The following CENPI variants were observed in gnomAD, a reference collection of about 807,000 sequenced individuals.
CENPI encodes centromere protein I, also known as FSH primary response 1.
CENPI carries 4 observed loss-of-function variants against 60.4 expected under a neutral mutation model. That is an observed-to-expected ratio of 0.07 (90% CI 0.03 to 0.15). The LOEUF is 0.15. Among genes scored for constraint, CENPI ranks in the 10% least tolerant of loss-of-function variants. The pLI, the probability that CENPI is intolerant of heterozygous loss-of-function variation, is 1.00. For missense variants in CENPI, 444 were observed against 534.5 expected (o/e 0.83, Z 1.67); for synonymous variants, 157 against 189.4 (o/e 0.83, Z 1.40).
chrX:101,168,550 G>A (rs1011043598), downstream of CENPI, among the ~76,000 whole-genome samples: 6 of 111,798 alleles, frequency 5.4e-5, no homozygotes, highest in African/African-American at 1.9e-4. Flanking sequence ...GGGCAACAGA[G>A]CAAGACTCTG....
the CENPI span, among the ~76,000 whole-genome samples, chrX:101,172,577 A>G: frequency 8.9e-6 from 1 of 112,091 alleles, no homozygotes; most frequent in Admixed American, 9.5e-5. Context: ...AATGTCCACA[A>G]TATGTTAATG....
intron 6 of CENPI, among the ~76,000 whole-genome samples, chrX:101,115,025 G>A (rs1339852029): frequency 1.8e-5 from 2 of 108,162 alleles, no homozygotes; most frequent in African/African-American, 6.8e-5. Context: ...GTGCAATGAC[G>A]CGATCTCAGC....
chrX:101,139,088 CTTTTTT>C (rs1281553958), intron 15 of CENPI, among the ~76,000 whole-genome samples: 1 of 66,953 alleles, frequency 1.5e-5, no homozygotes, highest in Non-Finnish European at 2.7e-5. Context: ...CGCGCCCGAC[CTTTTTT>C]TTTTTTTTTT....
At chrX:101,168,283 G>A (rs1454497252), downstream of CENPI, among the ~76,000 whole-genome samples, 1 of 112,383 alleles carries the variant, frequency 8.9e-6, no homozygotes, top group Non-Finnish European at 1.9e-5. Flanking sequence ...AACCTTATTG[G>A]GGCCAGGCAT....
rs199561957 is a variant in CENPI at position 101,109,991 on chromosome X, A to G, written c.584A>G (p.Asp195Gly). Reference protein sequence around the residue: ...YGFFFASLQDDALCPYVCHLL... With the variant: ...YGFFFASLQDGALCPYVCHLL... ...TTCTTTTTTGCTTCATTGCAAGATG[A>G]TGCACTGGTAAGTAAAAATTGGACA... The change falls in exon 6 of 22, where the codon GAT becomes GGT. Residue 195 changes from aspartate (D) to glycine (G), a missense_variant. Asp to Gly is a moderately conservative substitution (Grantham distance 94). Transcript: ENST00000682095. The G allele has an allele frequency of 4.4e-5, 51 of 1,162,523 alleles. 1 individual carries two copies. The highest frequency in any genetic ancestry group is 2.3e-6 in the Non-Finnish European group (2 of 854,263).
At chrX:101,181,466 AAAC>A in the CENPI span, among the ~76,000 whole-genome samples, 10 of 112,566 alleles carry the variant, frequency 8.9e-5, no homozygotes, top group Admixed American at 1.9e-4. Context: ...TTTATTTAGA[AAAC>A]AACAACGTTT....
intron 16 of CENPI, among the ~76,000 whole-genome samples, chrX:101,143,235 A>T (rs1313229751): frequency 5.4e-5 from 6 of 110,677 alleles, no homozygotes; most frequent in Non-Finnish European, 9.4e-5. Flanking sequence ...CTCTAAGATT[A>T]TACATGTTCT....
chrX:101,113,161 T>G (rs1183848588), intron 6 of CENPI, among the ~76,000 whole-genome samples: 1 of 109,499 alleles, frequency 9.1e-6, no homozygotes, highest in Non-Finnish European at 1.9e-5. Context: ...TTTTTTCTTT[T>G]TCTTTTTTTT....
At chrX:101,109,781 T>C in intron 5 of CENPI, 110 bp from the exon 6 acceptor site, 1 of 593,557 alleles carries the variant, frequency 1.7e-6, no homozygotes, top group Non-Finnish European at 2.7e-6. Context: ...TATTCTACTT[T>C]GTGCCTGAAG....
At chrX:101,114,030 G>C (rs1460191551) in intron 6 of CENPI, among the ~76,000 whole-genome samples, 1 of 111,956 alleles carries the variant, frequency 8.9e-6, no homozygotes, top group Non-Finnish European at 1.9e-5. Flanking sequence ...GCCGAGGGGG[G>C]CAGATCACCT....
At chrX:101,174,135 C>T in the CENPI span, among the ~76,000 whole-genome samples, 1 of 112,280 alleles carries the variant, frequency 8.9e-6, no homozygotes, top group Non-Finnish European at 1.9e-5. Flanking sequence ...AATGCTTATA[C>T]ACTGTTGGTG....
intron 15 of CENPI, among the ~76,000 whole-genome samples, chrX:101,139,978 G>A (rs1206956216): frequency 1.8e-5 from 2 of 110,255 alleles, no homozygotes; most frequent in African/African-American, 3.3e-5. Context: ...GGGACTACAG[G>A]CGCCCGCCAC....
At chrX:101,159,650 C>CG (rs1355880127) in intron 20 of CENPI, among the ~76,000 whole-genome samples, 1 of 110,080 alleles carries the variant, frequency 9.1e-6, no homozygotes, top group Non-Finnish European at 1.9e-5. Context: ...TTAGTAGAGA[C>CG]GGGGTTTCAC....
At chrX:101,115,219 C>G (rs1331529781) in intron 6 of CENPI, among the ~76,000 whole-genome samples, 1 of 110,212 alleles carries the variant, frequency 9.1e-6, no homozygotes, top group East Asian at 2.8e-4. Context: ...CCTCCTTGGC[C>G]TCCCAAAGTG....
At chrX:101,106,651 A>G (rs762790953) in intron 4 of CENPI, among the ~76,000 whole-genome samples, 1 of 110,971 alleles carries the variant, frequency 9.0e-6, no homozygotes, top group South Asian at 3.9e-4. Flanking sequence ...TCCTGACCTC[A>G]GGTGATCTCT....
At chrX:101,140,001 AT>A (rs779892345) in intron 15 of CENPI, among the ~76,000 whole-genome samples, 9 of 109,315 alleles carry the variant, frequency 8.2e-5, no homozygotes, top group Admixed American at 4.9e-4. Flanking sequence ...CGCCTGGCTA[AT>A]TTTTTTTGTA....
intron 20 of CENPI, among the ~76,000 whole-genome samples, chrX:101,154,702 A>G (rs1351869944): frequency 1.8e-5 from 2 of 112,060 alleles, no homozygotes; most frequent in Non-Finnish European, 3.8e-5. Context: ...ATGCATGAAC[A>G]TCATATGTCA....
intron 7 of CENPI, 30 bp from the exon 8 acceptor site, chrX:101,120,708 C>T (rs373145427): frequency 2.6e-5 from 31 of 1,178,741 alleles, no homozygotes; most frequent in Non-Finnish European, 3.2e-5. Flanking sequence ...AATCCAAATG[C>T]ATAGTACGTC....
Position 101,136,658 on chromosome X carries a change from G to A in CENPI, c.1471-4008G>A, listed in dbSNP as rs180727121. Reference sequence around the variant, plus strand: ...TATCAGCAAACAACTTATTTTCACCGAAGAATTTTGCATGGGAAAGGCCCC... The same window carrying A: ...TATCAGCAAACAACTTATTTTCACCAAAGAATTTTGCATGGGAAAGGCCCC... On this transcript the variant is annotated intron_variant, in intron 15 of 21. Transcript: ENST00000682095. Among the ~76,000 whole-genome samples the A allele has an allele frequency of 4.6e-3, 514 of 110,816 alleles. 2 individuals are homozygous for A. The highest frequency in any genetic ancestry group is 0.016 in the African/African-American group (491 of 30,510).
Sources: allele counts gnomAD v4.1 joint callset (sites outside exome capture counted in the v4.1 genomes callset), GRCh38; gene constraint gnomAD v4.1.1; transcripts MANE v1.5; gene names NCBI Gene and HGNC (gene_info 2026-07-23, HGNC 2026-07-21).